TUSC3: variants seen among roughly 807,000 people sequenced by gnomAD.
TUSC3 encodes tumor suppressor candidate 3.
Under a neutral mutation model 44.8 loss-of-function variants are expected in TUSC3, and 45 were observed. That is an observed-to-expected ratio of 1.00 (90% CI 0.79 to 1.29). The LOEUF is 1.29. Among genes scored for constraint, TUSC3 ranks in the 50% most tolerant of loss-of-function variants. The pLI, the probability that TUSC3 is intolerant of heterozygous loss-of-function variation, is 0.00. For missense variants in TUSC3, 519 were observed against 437.9 expected (o/e 1.19, Z -1.65); for synonymous variants, 212 against 152.9 (o/e 1.39, Z -2.85).
chr8:15,479,325 T>C (rs1358713431), intron 1 of TUSC3, among the ~76,000 whole-genome samples: 1 of 152,178 alleles, frequency 6.6e-6, no homozygotes, highest in Non-Finnish European at 1.5e-5. Context: ...TTGTTGTAAT[T>C]GCTTTTGATG....
the TUSC3 span, among the ~76,000 whole-genome samples, chr8:15,812,804 G>GA: frequency 2.0e-5 from 3 of 152,070 alleles, no homozygotes; most frequent in East Asian, 1.9e-4. Flanking sequence ...TATGAAGAAA[G>GA]AAAAAAATGG....
chr8:15,849,709 G>A, the TUSC3 span, among the ~76,000 whole-genome samples: 2 of 152,098 alleles, frequency 1.3e-5, no homozygotes, highest in African/African-American at 4.8e-5. Context: ...CCTGGGCTTT[G>A]CAGAGACCAG....
the TUSC3 span, among the ~76,000 whole-genome samples, chr8:15,808,294 T>A: frequency 3.3e-5 from 5 of 152,210 alleles, no homozygotes; most frequent in Admixed American, 6.5e-5. Context: ...TAATACTAAA[T>A]GTTATTTTAA....
intron 10 of TUSC3, 131 bp from the exon 11 acceptor site, chr8:15,764,072 A>G (rs116513839): frequency 1.0e-6 from 1 of 977,614 alleles, no homozygotes; most frequent in African/African-American, 1.7e-5. Flanking sequence ...TGTAAAAATT[A>G]CAATTAGTTG....
intron 1 of TUSC3, among the ~76,000 whole-genome samples, chr8:15,606,252 G>A (rs975516821): frequency 6.6e-6 from 1 of 151,998 alleles, no homozygotes; most frequent in African/African-American, 2.4e-5. Context: ...TATAGTATGA[G>A]TAAATACAAT....
intron 2 of TUSC3, among the ~76,000 whole-genome samples, chr8:15,640,905 G>C (rs1229770957): frequency 6.6e-6 from 1 of 152,114 alleles, no homozygotes; most frequent in African/African-American, 2.4e-5. Flanking sequence ...GTTCAAAAAG[G>C]TTTATTTAAG....
At chr8:15,618,780 G>A (rs1387550894) in intron 1 of TUSC3, among the ~76,000 whole-genome samples, 1 of 152,124 alleles carries the variant, frequency 6.6e-6, no homozygotes, top group Admixed American at 6.6e-5. Flanking sequence ...TCATATGTCT[G>A]GCAGCCAGTA....
chr8:15,525,187 G>A (rs1047006202), intron 2 of TUSC3, among the ~76,000 whole-genome samples: 3 of 152,068 alleles, frequency 2.0e-5, no homozygotes, highest in Admixed American at 6.6e-5. Context: ...TGCCTTTCTT[G>A]GCCACTTCTT....
At chr8:15,851,884 G>C in the TUSC3 span, among the ~76,000 whole-genome samples, 1 of 152,098 alleles carries the variant, frequency 6.6e-6, no homozygotes, top group African/African-American at 2.4e-5. Context: ...GAATCATTGG[G>C]GAGGATTCCC....
intron 8 of TUSC3, among the ~76,000 whole-genome samples, chr8:15,745,114 G>A (rs1353591136): frequency 6.6e-6 from 1 of 152,060 alleles, no homozygotes; most frequent in East Asian, 1.9e-4. Context: ...ATGTAAAGGA[G>A]ATGATTTTGT....
intron 5 of TUSC3, among the ~76,000 whole-genome samples, chr8:15,672,941 A>G (rs1202802145): frequency 6.6e-6 from 1 of 152,100 alleles, no homozygotes; most frequent in Non-Finnish European, 1.5e-5. Context: ...TGGGCAAGTT[A>G]TAGGATAGCA....
intron 2 of TUSC3, among the ~76,000 whole-genome samples, chr8:15,500,521 G>T (rs1800945411): frequency 6.6e-6 from 1 of 152,076 alleles, no homozygotes; most frequent in Non-Finnish European, 1.5e-5. Context: ...AAGGAAACCA[G>T]CATTTCAGTT....
intron 1 of TUSC3, among the ~76,000 whole-genome samples, chr8:15,543,694 A>G (rs571627698): frequency 3.0e-4 from 46 of 151,692 alleles, no homozygotes; most frequent in African/African-American, 1.1e-3. Flanking sequence ...AAATGAAAGC[A>G]TTAGTGTAAT....
At position 15,766,213 on chromosome 8, in the gene TUSC3, T is replaced by C. The variant is rs959992574; in HGVS notation, c.*2057T>C. ...GCTGTGGCTTCTCTATAGACAACTG[T>C]TACATTAGGGAAGTGATTCTAGAGC... On this transcript the variant is annotated 3_prime_UTR_variant, in exon 11 of 11. Coordinates refer to ENST00000503731, the MANE Select transcript of TUSC3 (RefSeq NM_006765.4). 4 of 152,092 alleles carry C rather than the reference T, an allele frequency of 2.6e-5. No individual in the cohort carries two copies. Among genetic ancestry groups the C allele is most frequent in the Non-Finnish European group, 4.4e-5 (3 of 67,974 alleles). 9.4% of individuals were successfully genotyped at this position (152,092 alleles called of 1,614,324 possible). A position where few individuals can be genotyped will look rare whatever the true frequency, so the allele number is the denominator to read the frequency against.
chr8:15,483,822 A>AT (rs1010266721), intron 2 of TUSC3, among the ~76,000 whole-genome samples: 9 of 149,986 alleles, frequency 6.0e-5, no homozygotes, highest in African/African-American at 1.7e-4. Flanking sequence ...TGCCCGGCTA[A>AT]TTTTTTTTGT....
chr8:15,806,951 C>T, the TUSC3 span: 21 of 1,463,860 alleles, frequency 1.4e-5, no homozygotes, highest in African/African-American at 2.2e-4. Context: ...ACATAACTCT[C>T]GTGTTCATCA....
intron 1 of TUSC3, among the ~76,000 whole-genome samples, chr8:15,459,650 C>T (rs1237405004): frequency 6.6e-6 from 1 of 151,988 alleles, no homozygotes; most frequent in African/African-American, 2.4e-5. Context: ...CTCCAAAATC[C>T]ATTGTATCAT....
chr8:15,498,032 G>A (rs1006066782), intron 2 of TUSC3, among the ~76,000 whole-genome samples: 8 of 152,132 alleles, frequency 5.3e-5, no homozygotes, highest in Admixed American at 6.5e-5. Flanking sequence ...TTACAGGCAC[G>A]AGCCACTGTG....
At chr8:15,725,491 T>C (rs1376776721) in intron 6 of TUSC3, among the ~76,000 whole-genome samples, 1 of 152,182 alleles carries the variant, frequency 6.6e-6, no homozygotes, top group Non-Finnish European at 1.5e-5. Flanking sequence ...CAGATATAGT[T>C]TGCTATTACT....
Sources: allele counts gnomAD v4.1 joint callset (sites outside exome capture counted in the v4.1 genomes callset), GRCh38; gene constraint gnomAD v4.1.1; transcripts MANE v1.5; gene names NCBI Gene and HGNC (gene_info 2026-07-23, HGNC 2026-07-21).